CRYAB: variants seen among roughly 807,000 people sequenced by gnomAD.
CRYAB encodes the protein crystallin alpha B.
Under a neutral mutation model 12.7 loss-of-function variants are expected in CRYAB, and 9 were observed. That is an observed-to-expected ratio of 0.71 (90% confidence interval 0.43 to 1.24). The LOEUF (loss-of-function observed/expected upper bound fraction) is 1.24. CRYAB is among the 50% of genes most tolerant of loss of function. CRYAB has a pLI of 0.00. For synonymous variants in CRYAB, 93 were observed against 86.8 expected (o/e 1.07, Z -0.40); for missense variants, 183 against 226.6 (o/e 0.81, Z 1.24).
chr11:111,908,670 T>C lies in CRYAB; in HGVS notation c.*94A>G. On this transcript the variant is annotated 3_prime_UTR_variant, in exon 3 of 3. Transcript: ENST00000650687. The stretch of plus-strand genomic sequence containing the variant: ...TTAGCTTGATAATTTGGGCCTGCCC[T>C]TAGCATTAATAAGCTTCAGCACTAG... 1 of 1,259,632 alleles carries C rather than the reference T, an allele frequency of 7.9e-7. No homozygotes were observed. Among genetic ancestry groups the C allele is most frequent in the Admixed American group, 1.7e-5 (1 of 58,228 alleles). The allele number at this position is 1,259,632 out of a possible 1,614,324, so 78.0% of individuals were successfully genotyped here.
intron 1 of CRYAB, among the ~76,000 whole-genome samples, chr11:111,919,980 G>A (rs895398725): frequency 6.6e-6 from 1 of 151,928 alleles, no homozygotes; most frequent in African/African-American, 2.4e-5. Flanking sequence ...TGGATCACGA[G>A]GTCAGGAGAT....
At chr11:111,913,319 TC>T, upstream of CRYAB, 2 of 753,060 alleles carry the variant, frequency 2.7e-6, no homozygotes, top group Non-Finnish European at 4.5e-6. Flanking sequence ...TCCCTCCCGT[TC>T]CCTACTCCTC....
upstream of CRYAB, chr11:111,912,341 GA>G (rs1965493040): frequency 5.4e-6 from 1 of 183,952 alleles, no homozygotes; most frequent in Non-Finnish European, 1.1e-5. Flanking sequence ...CCCACCCCCT[GA>G]AAAAAGAGCA....
At chr11:111,921,045 G>C (rs1965689958) in intron 1 of CRYAB, among the ~76,000 whole-genome samples, 1 of 152,178 alleles carries the variant, frequency 6.6e-6, no homozygotes, top group South Asian at 2.1e-4. Context: ...TCACTGCCAT[G>C]CCGTAAATTC....
At chr11:111,912,901 G>C (rs781898986), upstream of CRYAB, 1 of 1,608,194 alleles carries the variant, frequency 6.2e-7, no homozygotes, top group African/African-American at 1.3e-5. Flanking sequence ...CGAGCCGCCT[G>C]GGTGAGCAGC....
At chr11:111,909,952 G>C (rs1965400640) in intron 2 of CRYAB, 3 of 577,452 alleles carry the variant, frequency 5.2e-6, no homozygotes, top group Non-Finnish European at 9.2e-6. Context: ...TGATTTAATT[G>C]GTCTGGAGTA....
Position 111,910,334 on chromosome 11 carries a change from T to C in CRYAB, c.317A>G (p.Glu106Gly). The C allele has an allele frequency of 6.2e-7, 1 of 1,614,196 alleles. No homozygotes were observed. Among genetic ancestry groups the C allele is most frequent in the Non-Finnish European group, 8.5e-7 (1 of 1,180,030 alleles). The change falls in exon 2 of 3, where the codon GAG (glutamate) becomes GGG (glycine). Residue 106 changes from glutamate (E) to glycine (G), a missense_variant. Physicochemically the swap from Glu to Gly is moderately conservative, Grantham distance 98 (BLOSUM62 -2). Transcript: ENST00000650687. ...DVIEVHGKHE[E>G]RQDEHGFISR... is the part of the protein sequence containing the mutation. ...AAAAAACAAGCTACATACCTGGCGC[T>C]CTTCATGTTTTCCATGCACCTCAAT...
At chr11:111,909,851 G>A (rs1555165345) in intron 2 of CRYAB, 1 of 392,074 alleles carries the variant, frequency 2.6e-6, no homozygotes, top group African/African-American at 2.0e-5. Flanking sequence ...GTGTCTGACA[G>A]CCCTATACCT....
At chr11:111,920,731 T>G (rs1965683028) in intron 1 of CRYAB, among the ~76,000 whole-genome samples, 1 of 152,002 alleles carries the variant, frequency 6.6e-6, no homozygotes. Flanking sequence ...ACCACTGCAC[T>G]CCAGTGTGGG....
chr11:111,912,503 T>A, upstream of CRYAB: 1 of 440,756 alleles, frequency 2.3e-6, no homozygotes, highest in Middle Eastern at 6.2e-4. Flanking sequence ...CAGCGAGGCC[T>A]CTTCATGCCC....
chr11:111,920,630 G>T (rs1312165930), intron 1 of CRYAB, among the ~76,000 whole-genome samples: 1 of 152,120 alleles, frequency 6.6e-6, no homozygotes, highest in Non-Finnish European at 1.5e-5. Context: ...TAGGCGTGGT[G>T]GTGCGTGCTT....
At chr11:111,914,104 C>G (rs1965559520), upstream of CRYAB, 1 of 569,206 alleles carries the variant, frequency 1.8e-6, no homozygotes, top group Non-Finnish European at 3.1e-6. Flanking sequence ...CTTGTTTGTA[C>G]TGCTCCCTAT....
chr11:111,908,673 G>A lies in CRYAB; in HGVS notation c.*91C>T, dbSNP rs1965347085. 4 of 1,273,340 alleles carry A rather than the reference G, an allele frequency of 3.1e-6. No individual in the cohort carries two copies. The highest frequency in any genetic ancestry group is 2.3e-6 in the Non-Finnish European group (2 of 875,966). 78.9% of individuals were successfully genotyped at this position (1,273,340 alleles called of 1,614,324 possible). A position where few individuals can be genotyped will look rare whatever the true frequency, so the allele number is the denominator to read the frequency against. On this transcript the variant is annotated 3_prime_UTR_variant, in exon 3 of 3. Transcript: ENST00000650687. ...GCTTGATAATTTGGGCCTGCCCTTA[G>A]CATTAATAAGCTTCAGCACTAGTCA...
intron 1 of CRYAB, among the ~76,000 whole-genome samples, chr11:111,921,191 T>C (rs1172467557): frequency 6.6e-6 from 1 of 152,234 alleles, no homozygotes; most frequent in Admixed American, 6.5e-5. Flanking sequence ...TTTGGAGTAG[T>C]ACATTGGATT....
At chr11:111,916,319 C>T (rs1391264126), upstream of CRYAB, among the ~76,000 whole-genome samples, 2 of 151,882 alleles carry the variant, frequency 1.3e-5, no homozygotes, top group Non-Finnish European at 2.9e-5. Context: ...CAACCTCCTC[C>T]TCCTGGGCTC....
chr11:111,919,063 C>T lies in CRYAB; in HGVS notation c.-199+4640G>A. ...ATCTCTGTTGGTGGATGTAGAGGCC[C>T]CGAAAATCAGAGGACCTGGAGATAG... On this transcript the variant is annotated intron_variant, in intron 1 of 3. Coordinates refer to the CRYAB transcript ENST00000527950. 1.9e-6 allele frequency: 3 copies of T among 1,597,110 alleles called. No individual in the cohort carries two copies. In the South Asian group the frequency reaches 3.3e-5, roughly 18 times the overall value.
At chr11:111,918,966 G>A (rs1965641425) in intron 1 of CRYAB, 2 of 1,614,182 alleles carry the variant, frequency 1.2e-6, no homozygotes, top group South Asian at 2.2e-5. Context: ...CTTGGAGACA[G>A]AGCGCCATGG....
upstream of CRYAB, chr11:111,913,111 A>G: frequency 1.6e-6 from 1 of 625,894 alleles, no homozygotes; most frequent in Non-Finnish European, 2.9e-6. Context: ...TGACCTCAAG[A>G]CACACTTGGT....
upstream of CRYAB, chr11:111,913,813 A>G (rs1592513251): frequency 1.2e-6 from 2 of 1,614,140 alleles, no homozygotes; most frequent in East Asian, 4.5e-5. Context: ...TTGGACACAG[A>G]GGTCAATGAG....
Sources: allele counts gnomAD v4.1 joint callset (sites outside exome capture counted in the v4.1 genomes callset), GRCh38; gene constraint gnomAD v4.1.1; transcripts MANE v1.5; gene names NCBI Gene and HGNC (gene_info 2026-07-23, HGNC 2026-07-21).